Variants in DACT3 observed in about 807,000 individuals in gnomAD.
The protein encoded by DACT3 is dishevelled binding antagonist of beta catenin 3.
In DACT3, 5 loss-of-function variants were observed where a neutral mutation model predicts 19.6. The observed-to-expected ratio is 0.26, with a 90% CI of 0.13 to 0.54. The LOEUF (loss-of-function observed/expected upper bound fraction) is 0.54. Among genes scored for constraint, DACT3 ranks in the 20% least tolerant of loss-of-function variants. DACT3 has a pLI of 0.95. For missense variants in DACT3, 908 were observed against 927.4 expected (o/e 0.98, Z 0.27); for synonymous variants, 454 against 428.1 (o/e 1.06, Z -0.75).
Position 46,661,104 on chromosome 19 carries a change from C to A in DACT3, c.-40G>T. 1 of 1,373,732 alleles carries A rather than the reference C, an allele frequency of 7.3e-7. No homozygotes were observed. Among genetic ancestry groups the A allele is most frequent in the Non-Finnish European group, 9.3e-7 (1 of 1,071,430 alleles). The allele number at this position is 1,373,732 out of a possible 1,614,324, so 85.1% of individuals were successfully genotyped here. A position where few individuals can be genotyped will look rare whatever the true frequency, so the allele number is the denominator to read the frequency against. ...GCCCCAGCCCGGCCGGGCCCCGCGG[C>A]CACCCCTCTCCCGGTCCCACCTCCC... On this transcript the variant is annotated 5_prime_UTR_variant, in exon 1 of 4. Transcript: ENST00000391916.
At chr19:46,655,921 CTCTCTATA>C (rs1190027072) in intron 1 of DACT3, among the ~76,000 whole-genome samples, 7 of 108,642 alleles carry the variant, frequency 6.4e-5, no homozygotes, top group Non-Finnish European at 1.3e-4. Context: ...CTCTCTCTCT[CTCTCTATA>C]TATATATATA....
intron 1 of DACT3, chr19:46,654,094 A>C: frequency 1.0e-6 from 1 of 985,246 alleles, no homozygotes; most frequent in Non-Finnish European, 1.2e-6. Flanking sequence ...CCATCCCAGC[A>C]CGTTCCTTTG....
rs932823807 is a variant in DACT3, at chr19:46,654,093, C to G, written c.250-1018G>C. The stretch of plus-strand genomic sequence containing the variant: ...ACTGGTACTGCAGCAGCCATCCCAG[C>G]ACGTTCCTTTGCCCTAGAGACCACA... On this transcript the variant is annotated intron_variant, in intron 1 of 3. Transcript: ENST00000391916. 5 of 985,284 alleles carry G rather than the reference C, an allele frequency of 5.1e-6. No homozygotes were observed. In the African/African-American group the frequency reaches 8.7e-5, roughly 17 times the overall value. The allele number at this position is 985,284 out of a possible 1,614,324, so 61.0% of individuals were successfully genotyped here.
intron 1 of DACT3, among the ~76,000 whole-genome samples, chr19:46,653,539 T>TTTTA (rs113003822): frequency 0.024 from 3,449 of 141,184 alleles, 114 homozygotes; most frequent in African/African-American, 0.078. Flanking sequence ...CTTTTTTTAT[T>TTTTA]TTTATTTATT....
At position 46,648,312 on chromosome 19, in the gene DACT3, T is replaced by G; in HGVS notation, c.*170A>C. On this transcript the variant is annotated 3_prime_UTR_variant, in exon 4 of 4. Transcript: ENST00000391916. This position sits in a 1 kb window ranked among gnomAD's most constrained non-coding sequence, Gnocchi z 5.1. ...CAGGGCTCCTCCCCATTCCTCTCGG[T>G]GGTGGTGGGGGAGCCTTTTCAACCA... The G allele has an allele frequency of 9.0e-7, 1 of 1,111,178 alleles. No homozygotes were observed. The highest frequency in any genetic ancestry group is 1.3e-6 in the Non-Finnish European group (1 of 779,140). 68.8% of individuals were successfully genotyped at this position (1,111,178 alleles called of 1,614,324 possible). A position where few individuals can be genotyped will look rare whatever the true frequency, so the allele number is the denominator to read the frequency against.
Position 46,660,733 on chromosome 19 carries a change from C to G in DACT3, c.249+83G>C. On this transcript the variant is annotated intron_variant, in intron 1 of 3. Transcript: ENST00000391916. This position sits in a 1 kb window ranked among gnomAD's most constrained non-coding sequence, Gnocchi z 4.9. ...ACTCCCTGCCTACCCGGGTCCCCAA[C>G]CCCCGCCCGGTGTCTGAGCATCCAA... 5 of 1,399,876 alleles carry G rather than the reference C, an allele frequency of 3.6e-6. No individual in the cohort carries two copies. The highest frequency in any genetic ancestry group is 4.6e-6 in the Non-Finnish European group (5 of 1,081,564). The allele number at this position is 1,399,876 out of a possible 1,614,324, so 86.7% of individuals were successfully genotyped here.
intron 1 of DACT3, chr19:46,659,233 G>T (rs892627624): frequency 2.0e-5 from 20 of 985,252 alleles, no homozygotes; most frequent in Admixed American, 6.2e-5. Context: ...TTTGCCTAGA[G>T]ACTGGGGGGT....
At chr19:46,649,903 AAG>A (rs1428307628) in intron 3 of DACT3, 31 bp from the exon 4 acceptor site, 2 of 1,316,064 alleles carry the variant, frequency 1.5e-6, no homozygotes, top group South Asian at 1.8e-5. Flanking sequence ...AAAAAAAAAA[AAG>A]AGAGAGTGGA....
In DACT3 at chr19:46,648,401, A is replaced by G; in HGVS notation, c.*81T>C. 1.3e-6 allele frequency: 2 copies of G among 1,596,070 alleles called. No individual in the cohort carries two copies. Among genetic ancestry groups the G allele is most frequent in the Non-Finnish European group, 1.7e-6 (2 of 1,169,596 alleles). The stretch of plus-strand genomic sequence containing the variant: ...AAGCAGAGAAAACGATGGTCTTTGG[A>G]AGGTAGATGTGGAAGGGTCAGTGGT... On this transcript the variant is annotated 3_prime_UTR_variant, in exon 4 of 4. Coordinates refer to ENST00000391916, the MANE Select transcript of DACT3 (RefSeq NM_145056.3). The surrounding 1 kb of genome is among the most constrained non-coding windows in gnomAD (Gnocchi z 5.1).
chr19:46,660,713 C>G lies in DACT3; in HGVS notation c.249+103G>C, dbSNP rs1431736641. On this transcript the variant is annotated intron_variant, in intron 1 of 3. Coordinates refer to ENST00000391916, the MANE Select transcript of DACT3 (RefSeq NM_145056.3). This position sits in a 1 kb window ranked among gnomAD's most constrained non-coding sequence, Gnocchi z 4.9. ...CCCACCCCCTGTCCTTTCTCACTCC[C>G]TGCCTACCCGGGTCCCCAACCCCCG... 1 of 1,401,116 alleles carries G rather than the reference C, an allele frequency of 7.1e-7. No homozygotes were observed. The highest frequency in any genetic ancestry group is 9.2e-7 in the Non-Finnish European group (1 of 1,083,352). 86.8% of individuals were successfully genotyped at this position (1,401,116 alleles called of 1,614,324 possible). A position where few individuals can be genotyped will look rare whatever the true frequency, so the allele number is the denominator to read the frequency against.
At chr19:46,650,123 C>A in intron 3 of DACT3, 2 of 245,814 alleles carry the variant, frequency 8.1e-6, no homozygotes, top group East Asian at 7.0e-5. Context: ...ACATCTTACC[C>A]CCTATTTTTT....
Position 46,648,642 on chromosome 19 carries a change from T to G in DACT3, c.1730A>C (p.Gln577Pro), listed in dbSNP as rs1353661168. The change falls in exon 4 of 4, where the codon CAG becomes CCG. Residue 577 changes from glutamine (Q) to proline (P), a missense_variant. Around this residue, in one of 2 missense-constraint regions of DACT3, gnomAD observed 656 missense variants for 601.8 expected, o/e 1.09. Transcript: ENST00000391916. The surrounding 1 kb of genome is among the most constrained non-coding windows in gnomAD (Gnocchi z 5.1). ...SDGSGGLVWP[Q>P]QLVAATAASG... The stretch of plus-strand genomic sequence containing the variant: ...GGCCGCGGTGGCCGCCACCAGCTGC[T>G]GCGGCCACACGAGGCCACCGCTGCC... 6.2e-7 allele frequency: 1 copy of G among 1,612,528 alleles called. No individual in the cohort carries two copies. Among genetic ancestry groups the G allele is most frequent in the Admixed American group, 1.7e-5 (1 of 59,976 alleles).
rs536753888 is a variant in DACT3 at position 46,655,677 on chromosome 19, G to C, written c.250-2602C>G. On this transcript the variant is annotated intron_variant, in intron 1 of 3. Transcript: ENST00000391916. ...CATTTGTTTGTTGAATCTCTCACTA[G>C]AATGTCAGCCCTAGGAACGCGGAGA... is the stretch of plus-strand genomic sequence containing the variant. Among the ~76,000 whole-genome samples the C allele has an allele frequency of 5.1e-4, 78 of 152,194 alleles. No individual in the cohort carries two copies. In the South Asian group the frequency reaches 0.016, roughly 31 times the overall value.
intron 1 of DACT3, among the ~76,000 whole-genome samples, chr19:46,657,993 A>T (rs951102932): frequency 1.3e-5 from 2 of 151,450 alleles, no homozygotes; most frequent in African/African-American, 4.9e-5. Context: ...TGGAGGTTGC[A>T]GTGAGCCGAG....
chr19:46,650,069 G>A, intron 3 of DACT3, 197 bp from the exon 4 acceptor site: 1 of 493,418 alleles, frequency 2.0e-6, no homozygotes, highest in Non-Finnish European at 3.1e-6. Flanking sequence ...ACAAGACCCT[G>A]CGTGACTTGT....
chr19:46,648,923 G>A lies in DACT3; in HGVS notation c.1449C>T (p.Asp483=), dbSNP rs2052948031. The change falls in exon 4 of 4, where the codon GAC becomes GAT. Residue 483 remains aspartate, a synonymous_variant. Coordinates refer to ENST00000391916, the MANE Select transcript of DACT3 (RefSeq NM_145056.3). The surrounding 1 kb of genome is among the most constrained non-coding windows in gnomAD (Gnocchi z 5.1). The part of the protein sequence containing the change: ...CRRWRSTAEI[D]AADGRRVRPR... ...GCCGCACGCGGCGCCCATCGGCAGC[G>A]TCGATCTCCGCAGTGGAGCGCCAGC... The A allele has an allele frequency of 7.4e-7, 1 of 1,359,886 alleles. No homozygotes were observed. The highest frequency in any genetic ancestry group is 3.1e-5 in the East Asian group (1 of 32,108). 84.2% of individuals were successfully genotyped at this position (1,359,886 alleles called of 1,614,324 possible).
Position 46,649,408 on chromosome 19 carries a change from G to C in DACT3, c.964C>G (p.Arg322Gly), listed in dbSNP as rs1487417611. The C allele has an allele frequency of 2.1e-5, 27 of 1,282,806 alleles. No individual in the cohort carries two copies. The East Asian group carries it at 1.0e-3, about 48-fold the overall frequency. 79.5% of individuals were successfully genotyped at this position (1,282,806 alleles called of 1,614,324 possible). Residue 322 changes from arginine to glycine, a missense_variant, in exon 4 of 4, where the codon CGC becomes GGC. By Grantham distance (125) the Arg-to-Gly change is moderately radical (BLOSUM62 -2). Around this residue, in one of 2 missense-constraint regions of DACT3, gnomAD observed 656 missense variants for 601.8 expected, o/e 1.09. Coordinates refer to ENST00000391916, the MANE Select transcript of DACT3 (RefSeq NM_145056.3). ...GHPTSPAALSRAWASSWESEA... is the reference protein window; with the variant it reads ...GHPTSPAALSGAWASSWESEA... ...GACTCCCACGACGACGCCCAGGCGC[G>C]GCTCAAGGCGGCAGGGCTGGTGGGG...
rs557971018 is a variant in DACT3 at position 46,655,925 on chromosome 19, CTATA to C, written c.250-2854_250-2851del. ...AGTCTCTCTCTCTCTCTCTCTCTCT[CTATA>C]TATATATATATATATATACACAAAC... On this transcript the variant is annotated intron_variant, in intron 1 of 3. Transcript: ENST00000391916. 8.3e-3 allele frequency among the ~76,000 whole-genome samples: 1,147 copies of C among 137,684 alleles called. 9 individuals carry two copies. The highest frequency in any genetic ancestry group is 0.023 in the African/African-American group (867 of 37,676). 90.3% of individuals were successfully genotyped at this position (137,684 alleles called of 152,430 possible). A position where few individuals can be genotyped will look rare whatever the true frequency, so the allele number is the denominator to read the frequency against.
Position 46,649,624 on chromosome 19 carries a change from C to G in DACT3, c.748G>C (p.Asp250His). The G allele has an allele frequency of 2.6e-6, 3 of 1,132,328 alleles. No individual in the cohort carries two copies. The highest frequency in any genetic ancestry group is 3.2e-6 in the Non-Finnish European group (3 of 925,026). The allele number at this position is 1,132,328 out of a possible 1,614,324, so 70.1% of individuals were successfully genotyped here. ...CGCAGGAGCGCCGAGATGTAGCCGT[C>G]CAGGGGCCGCCCTGCGCCCCCCGCG... ...PDAGGAGRPL[D>H]GYISALLRRR... The change falls in exon 4 of 4, where the codon GAC becomes CAC. Residue 250 changes from aspartate (D) to histidine (H), a missense_variant. Asp to His is a moderately conservative substitution (Grantham distance 81). Coordinates refer to ENST00000391916, the MANE Select transcript of DACT3 (RefSeq NM_145056.3).
Sources: gnomAD v4.1 joint callset for allele counts (sites outside exome capture counted in the v4.1 genomes callset) on GRCh38, gnomAD v4.1.1 for gene constraint, gnomAD v4.1.1 regional missense constraint, Gnocchi (gnomAD v3.1) non-coding constraint, MANE v1.5 for transcripts, NCBI Gene and HGNC (gene_info 2026-07-23, HGNC 2026-07-21) for gene names.